KYNU: variants seen among roughly 807,000 people sequenced by gnomAD.
KYNU encodes the protein L-kynurenine hydrolase.
Under a neutral mutation model 59.2 loss-of-function variants are expected in KYNU, and 54 were observed. That is an observed-to-expected ratio of 0.91 (90% CI 0.73 to 1.14). The LOEUF (loss-of-function observed/expected upper bound fraction) is 1.14. Ranked by LOEUF, KYNU falls within the 50% of genes most tolerant of loss-of-function variation. The probability of loss-of-function intolerance (pLI) is 0.00; values close to 1 mark genes in which losing one functional copy is unlikely to be tolerated. For synonymous variants in KYNU, 177 were observed against 192.0 expected, an observed-to-expected ratio of 0.92 and a Z score of 0.65; for missense variants, 567 against 554.4, an observed-to-expected ratio of 1.02 and a Z score of -0.23.
At chr2:142,922,882 G>C (rs1353401614) in intron 3 of KYNU, among the ~76,000 whole-genome samples, 1 of 152,216 alleles carries the variant, frequency 6.6e-6, no homozygotes, top group Non-Finnish European at 1.5e-5. Context: ...ATAGAGAAGA[G>C]AAATGAATAT....
chr2:142,919,105 C>T (rs1046602028), intron 3 of KYNU, among the ~76,000 whole-genome samples: 11 of 152,118 alleles, frequency 7.2e-5, no homozygotes, highest in African/African-American at 2.7e-4. Flanking sequence ...CCATTTTTTT[C>T]CCCAAATATT....
chr2:142,934,132 G>A (rs116555219), intron 4 of KYNU, among the ~76,000 whole-genome samples: 94 of 152,314 alleles, frequency 6.2e-4, no homozygotes, highest in Non-Finnish European at 1.2e-3. Flanking sequence ...AGGGGAGTTT[G>A]TTGGGTGGAG....
intron 2 of KYNU, among the ~76,000 whole-genome samples, chr2:142,905,022 C>A (rs955430334): frequency 6.6e-6 from 1 of 152,164 alleles, no homozygotes; most frequent in African/African-American, 2.4e-5. Context: ...GATGCATTCC[C>A]ATAAACAACA....
Position 143,046,660 on chromosome 2 carries a change from A to C in KYNU, c.*4488A>C, listed in dbSNP as rs942148366. The C allele has an allele frequency of 6.6e-6, 1 of 151,852 alleles. No individual in the cohort carries two copies. Among genetic ancestry groups the C allele is most frequent in the African/African-American group, 2.4e-5 (1 of 41,378 alleles). 9.4% of individuals were successfully genotyped at this position (151,852 alleles called of 1,614,324 possible). A position where few individuals can be genotyped will look rare whatever the true frequency, so the allele number is the denominator to read the frequency against. On this transcript the variant is annotated 3_prime_UTR_variant, in exon 14 of 14. Transcript: ENST00000264170. ...GGCTAATTTGCTTGTTTTTTCATCAATACTTCACTTCCTTAATTACTACAA... is the reference window on the plus strand; with the variant it reads ...GGCTAATTTGCTTGTTTTTTCATCACTACTTCACTTCCTTAATTACTACAA...
chr2:142,973,613 G>T (rs935755572), intron 8 of KYNU, among the ~76,000 whole-genome samples: 2 of 152,072 alleles, frequency 1.3e-5, no homozygotes, highest in Non-Finnish European at 2.9e-5. Context: ...GCAAGCCTCC[G>T]TGTGCTTGGG....
chr2:143,028,333 C>T (rs530729192), intron 10 of KYNU, among the ~76,000 whole-genome samples: 26 of 149,164 alleles, frequency 1.7e-4, no homozygotes, highest in Admixed American at 6.7e-4. Context: ...GCAACCTCCC[C>T]CTCTGGGTTC....
chr2:142,897,995 G>A (rs1036062682), intron 2 of KYNU, among the ~76,000 whole-genome samples: 4 of 151,982 alleles, frequency 2.6e-5, no homozygotes, highest in Non-Finnish European at 5.9e-5. Flanking sequence ...TCAACTTCCT[G>A]GACTCAATCG....
intron 5 of KYNU, 108 bp from the exon 6 acceptor site, chr2:142,956,091 GTTAA>G (rs1417768553): frequency 3.9e-5 from 25 of 638,228 alleles, no homozygotes; most frequent in Non-Finnish European, 6.1e-5. Context: ...AAGATGTTGA[GTTAA>G]TTAATGTCTT....
chr2:142,914,225 A>G (rs1682598442), intron 2 of KYNU, among the ~76,000 whole-genome samples: 1 of 152,224 alleles, frequency 6.6e-6, no homozygotes, highest in Non-Finnish European at 1.5e-5. Context: ...CTCACTCATC[A>G]ACCCTTTCCT....
At chr2:142,931,318 GT>G (rs1233536641) in intron 4 of KYNU, among the ~76,000 whole-genome samples, 1 of 152,204 alleles carries the variant, frequency 6.6e-6, no homozygotes, top group African/African-American at 2.4e-5. Flanking sequence ...GATATAGGGG[GT>G]GGTGTGGGCA....
chr2:142,940,258 T>C (rs1304973066), intron 4 of KYNU, among the ~76,000 whole-genome samples: 1 of 152,144 alleles, frequency 6.6e-6, no homozygotes, highest in Non-Finnish European at 1.5e-5. Flanking sequence ...TAGCTGTGAA[T>C]TTTTTTTCAC....
Position 142,885,432 on chromosome 2 carries a change from G to A in KYNU, c.65G>A (p.Cys22Tyr). The A allele has an allele frequency of 6.2e-7, 1 of 1,614,032 alleles. No individual in the cohort carries two copies. Residue 22 changes from cysteine (C) to tyrosine (Y), a missense_variant, in exon 2 of 14, where the codon TGC (cysteine) becomes TAC (tyrosine). Cys to Tyr is a radical substitution (Grantham distance 194). Coordinates refer to ENST00000264170, the MANE Select transcript of KYNU (RefSeq NM_003937.3). ...CAGCGCATTGCGGCTGAACTCAAATGCCACCCAACGGATGAGAGGGTGGCT... is the reference window on the plus strand; with the variant it reads ...CAGCGCATTGCGGCTGAACTCAAATACCACCCAACGGATGAGAGGGTGGCT... ...TVQRIAAELK[C>Y]HPTDERVALH... is the part of the protein sequence containing the mutation.
intron 2 of KYNU, among the ~76,000 whole-genome samples, chr2:142,908,050 C>T (rs1682357424): frequency 1.3e-5 from 2 of 152,176 alleles, no homozygotes; most frequent in Non-Finnish European, 2.9e-5. Context: ...ATTAAACTTA[C>T]ACCTGATTTT....
chr2:142,939,921 G>A (rs543420222), intron 4 of KYNU, among the ~76,000 whole-genome samples: 1 of 152,286 alleles, frequency 6.6e-6, no homozygotes, highest in East Asian at 1.9e-4. Context: ...GGATGCTTAG[G>A]TCTGGAACCC....
chr2:143,026,496 T>C (rs1041576260), intron 10 of KYNU, among the ~76,000 whole-genome samples: 3 of 152,182 alleles, frequency 2.0e-5, no homozygotes, highest in African/African-American at 4.8e-5. Flanking sequence ...GGAGCTGGAA[T>C]GAATGAGTGC....
At chr2:142,996,493 C>T (rs1487181270) in intron 10 of KYNU, among the ~76,000 whole-genome samples, 1 of 152,032 alleles carries the variant, frequency 6.6e-6, no homozygotes, top group Non-Finnish European at 1.5e-5. Context: ...GGGATACAGG[C>T]ATGAATGAGC....
intron 8 of KYNU, among the ~76,000 whole-genome samples, chr2:142,962,303 A>G (rs938454691): frequency 6.6e-6 from 1 of 152,226 alleles, no homozygotes; most frequent in African/African-American, 2.4e-5. Flanking sequence ...AATCTTGAGC[A>G]AGTTACTTGA....
At chr2:143,024,993 G>T (rs182433123) in intron 10 of KYNU, among the ~76,000 whole-genome samples, 2 of 151,690 alleles carry the variant, frequency 1.3e-5, no homozygotes, top group Non-Finnish European at 2.9e-5. Flanking sequence ...TTTTTCCATA[G>T]TATCCTGCCT....
Position 142,966,340 on chromosome 2 carries a change from G to C in KYNU, c.729+5570G>C, listed in dbSNP as rs959853352. ...AAAAGATTCATGGTTGTGTCCTTTG[G>C]CTTTTGTGTCCACAGCCTCTGTCTG... On this transcript the variant is annotated intron_variant, in intron 8 of 13. Transcript: ENST00000264170. Among the ~76,000 whole-genome samples, 3 of 152,078 alleles carry C rather than the reference G, an allele frequency of 2.0e-5. No homozygotes were observed. The South Asian group carries it at 6.2e-4, about 31-fold the overall frequency.
Sources: gnomAD v4.1 joint callset for allele counts (sites outside exome capture counted in the v4.1 genomes callset) on GRCh38, gnomAD v4.1.1 for gene constraint, MANE v1.5 for transcripts, NCBI Gene and HGNC (gene_info 2026-07-23, HGNC 2026-07-21) for gene names.